The following PRKN variants were observed in gnomAD, a reference collection of about 807,000 sequenced individuals.
PRKN encodes the protein parkin RBR E3 ubiquitin protein ligase.
In PRKN, 56 loss-of-function variants were observed where a neutral mutation model predicts 59.5. That is an observed-to-expected ratio of 0.94 (90% CI 0.76 to 1.18). The LOEUF (loss-of-function observed/expected upper bound fraction) is 1.18. Ranked by LOEUF, PRKN falls within the 50% of genes most tolerant of loss-of-function variation. The probability of loss-of-function intolerance (pLI) is 0.00; values close to 1 mark genes in which losing one functional copy is unlikely to be tolerated. For synonymous variants in PRKN, 250 were observed against 222.1 expected (o/e 1.13, Z -1.12); for missense variants, 657 against 596.4 (o/e 1.10, Z -1.06).
At chr6:161,869,335 C>G (rs1233030138) in intron 6 of PRKN, among the ~76,000 whole-genome samples, 1 of 151,996 alleles carries the variant, frequency 6.6e-6, no homozygotes. Context: ...GCCAAGATCA[C>G]ACCACTGCAC....
chr6:161,994,907 C>T (rs1451501089), intron 5 of PRKN, among the ~76,000 whole-genome samples: 1 of 149,384 alleles, frequency 6.7e-6, no homozygotes, highest in East Asian at 2.0e-4. Flanking sequence ...ATAACAATAT[C>T]ATTCTTCATA....
chr6:161,665,525 A>C (rs529945214), intron 7 of PRKN, among the ~76,000 whole-genome samples: 1 of 152,172 alleles, frequency 6.6e-6, no homozygotes. Flanking sequence ...TCTTAATACT[A>C]TCATCGAGCA....
intron 7 of PRKN, among the ~76,000 whole-genome samples, chr6:161,779,273 A>G (rs1478055889): frequency 6.6e-6 from 1 of 151,964 alleles, no homozygotes; most frequent in African/African-American, 2.4e-5. Context: ...ATAGACATTG[A>G]TATAACCTTT....
In PRKN at chr6:161,498,209, G is replaced by A. The variant is rs1401252359; in HGVS notation, c.1083+50645C>T. Among the ~76,000 whole-genome samples the A allele has an allele frequency of 6.6e-6, 1 of 152,152 alleles. No homozygotes were observed. The highest frequency in any genetic ancestry group is 1.5e-5 in the Non-Finnish European group (1 of 68,032). On this transcript the variant is annotated intron_variant, in intron 9 of 11. Transcript: ENST00000366898. This position sits in a 1 kb window ranked among gnomAD's most constrained non-coding sequence, Gnocchi z 4.2. ...GCTGATAGAAACCTCTGCTCACCAA[G>A]GGGATTTTTATTCAGGCTGCAAATC... is the stretch of plus-strand genomic sequence containing the variant.
chr6:161,998,838 A>G (rs1440073539), intron 5 of PRKN, among the ~76,000 whole-genome samples: 4 of 152,096 alleles, frequency 2.6e-5, no homozygotes, highest in Admixed American at 6.6e-5. Flanking sequence ...CTCAATATAA[A>G]TGGGATCTTC....
intron 5 of PRKN, among the ~76,000 whole-genome samples, chr6:162,017,416 G>A (rs1170341186): frequency 6.6e-6 from 1 of 152,122 alleles, no homozygotes; most frequent in Non-Finnish European, 1.5e-5. Context: ...CATGTGGCAT[G>A]GTGCCTGACA....
chr6:161,991,043 C>A (rs1290355341), intron 5 of PRKN, among the ~76,000 whole-genome samples: 1 of 152,092 alleles, frequency 6.6e-6, no homozygotes, highest in Non-Finnish European at 1.5e-5. Context: ...CCCCATCAGA[C>A]AAACAGCAGA....
chr6:162,583,250 A>G (rs1379625853), intron 1 of PRKN, among the ~76,000 whole-genome samples: 1 of 152,210 alleles, frequency 6.6e-6, no homozygotes, highest in Non-Finnish European at 1.5e-5. Context: ...TTCTTTGCAC[A>G]TTACCTAGTC....
chr6:162,095,107 T>C (rs913405701), intron 4 of PRKN, among the ~76,000 whole-genome samples: 26 of 152,174 alleles, frequency 1.7e-4, no homozygotes. Flanking sequence ...CTACTGGGTC[T>C]TCAGGGGAAG....
chr6:162,682,599 CT>C (rs1269261026), intron 1 of PRKN, among the ~76,000 whole-genome samples: 1 of 151,982 alleles, frequency 6.6e-6, no homozygotes, highest in African/African-American at 2.4e-5. Context: ...CTGGGGCCTA[CT>C]TGAGGGTGGA....
chr6:161,680,154 A>G (rs567911165), intron 7 of PRKN, among the ~76,000 whole-genome samples: 1 of 152,110 alleles, frequency 6.6e-6, no homozygotes, highest in Non-Finnish European at 1.5e-5. Flanking sequence ...AAACTTTTCG[A>G]TCAAGAGATG....
chr6:161,534,853 T>C (rs973240291), intron 9 of PRKN, among the ~76,000 whole-genome samples: 2 of 152,220 alleles, frequency 1.3e-5, no homozygotes, highest in African/African-American at 4.8e-5. Flanking sequence ...TTGGTGCATG[T>C]TTCTTATGAG....
At chr6:161,915,604 G>A (rs781229237) in intron 6 of PRKN, among the ~76,000 whole-genome samples, 10 of 152,176 alleles carry the variant, frequency 6.6e-5, no homozygotes, top group Non-Finnish European at 1.2e-4. Context: ...GGAAGACCCT[G>A]AATATGTTGT....
chr6:162,439,318 T>TCCCCC (rs1312025982), intron 2 of PRKN, among the ~76,000 whole-genome samples: 2 of 147,300 alleles, frequency 1.4e-5, no homozygotes, highest in East Asian at 4.1e-4. Context: ...TCCCTTCCCT[T>TCCCCC]CCCCCTTCCT....
chr6:162,197,990 A>T (rs1419335739), intron 4 of PRKN, among the ~76,000 whole-genome samples: 1 of 152,164 alleles, frequency 6.6e-6, no homozygotes, highest in Non-Finnish European at 1.5e-5. Flanking sequence ...AACATAGACA[A>T]GTAAGGACAC....
At chr6:162,638,517 A>G (rs1777832956) in intron 1 of PRKN, among the ~76,000 whole-genome samples, 1 of 152,010 alleles carries the variant, frequency 6.6e-6, no homozygotes. Context: ...CCATGCATCT[A>G]TTGTTTTTCC....
Position 162,040,111 on chromosome 6 carries a change from C to G in PRKN, c.618+13980G>C, listed in dbSNP as rs145442811. ...ACTTGTTCTCAAACACGATGGTTGT[C>G]GATGCAAAGACTCAAACTGCTGGGA... On this transcript the variant is annotated intron_variant, in intron 5 of 11. Coordinates refer to ENST00000366898, the MANE Select transcript of PRKN (RefSeq NM_004562.3). Among the ~76,000 whole-genome samples, 482 of 152,192 alleles carry G rather than the reference C, an allele frequency of 3.2e-3. 1 individual carries two copies. The highest frequency in any genetic ancestry group is 0.011 in the African/African-American group (459 of 41,524).
At chr6:162,651,424 G>T (rs1243985962) in intron 1 of PRKN, among the ~76,000 whole-genome samples, 1 of 152,102 alleles carries the variant, frequency 6.6e-6, no homozygotes, top group Non-Finnish European at 1.5e-5. Context: ...TTCTGAAAAG[G>T]AGACTCCATC....
chr6:161,776,744 C>T (rs1789941846), intron 7 of PRKN, among the ~76,000 whole-genome samples: 1 of 152,170 alleles, frequency 6.6e-6, no homozygotes, highest in African/African-American at 2.4e-5. Flanking sequence ...TAGGGAGAGG[C>T]AGGGCAGCAG....
Sources: gnomAD v4.1 joint callset for allele counts (sites outside exome capture counted in the v4.1 genomes callset) on GRCh38, gnomAD v4.1.1 for gene constraint, Gnocchi (gnomAD v3.1) non-coding constraint, MANE v1.5 for transcripts, NCBI Gene and HGNC (gene_info 2026-07-23, HGNC 2026-07-21) for gene names.